PCDHA5: variants seen among roughly 807,000 people sequenced by gnomAD.
PCDHA5 encodes protocadherin alpha-5.
In PCDHA5, 43 loss-of-function variants were observed where a neutral mutation model predicts 61.6. The ratio of observed to expected loss-of-function variants is 0.70; its 90% CI spans 0.55 to 0.90. The LOEUF (loss-of-function observed/expected upper bound fraction) is 0.90, where lower values mean the gene tolerates loss of function less well. Among genes scored for constraint, PCDHA5 ranks in the 40% least tolerant of loss-of-function variants. The pLI is 0.00. For synonymous variants in PCDHA5, 627 were observed against 543.9 expected (o/e 1.15, Z -2.13); for missense variants, 1,298 against 1,222.7 (o/e 1.06, Z -0.92).
At chr5:140,945,178 C>T (rs2093753648) in intron 1 of PCDHA5, among the ~76,000 whole-genome samples, 2 of 151,902 alleles carry the variant, frequency 1.3e-5, no homozygotes, top group Admixed American at 1.3e-4. Flanking sequence ...AAAAATAAAT[C>T]AAGAAAACCA....
rs781928314 is a variant in PCDHA5 at position 140,876,618 on chromosome 5, T to A, written c.2352+52491T>A. On this transcript the variant is annotated intron_variant, in intron 1 of 3. Coordinates refer to ENST00000529859, the MANE Select transcript of PCDHA5 (RefSeq NM_018908.3). ...TGTCGGATCGTGACTCTGGAGCCAA[T>A]GGACAGGTCATCTGCTCACTGACAC... is the stretch of plus-strand genomic sequence containing the variant. 3.7e-6 allele frequency: 6 copies of A among 1,614,074 alleles called. No homozygotes were observed. The South Asian group carries it at 4.4e-5, about 12-fold the overall frequency.
chr5:140,851,463 G>C (rs1194351869), intron 1 of PCDHA5: 1 of 894,166 alleles, frequency 1.1e-6, no homozygotes, highest in Non-Finnish European at 1.4e-6. Flanking sequence ...ATCAAATTAT[G>C]TCAATAAATG....
chr5:140,928,106 G>A, intron 1 of PCDHA5: 4 of 1,614,150 alleles, frequency 2.5e-6, no homozygotes, highest in Non-Finnish European at 3.4e-6. Context: ...CCCCTGGACC[G>A]GGAGCAGATC....
chr5:140,955,922 GTTCA>G (rs1413540621), intron 1 of PCDHA5, among the ~76,000 whole-genome samples: 2 of 152,138 alleles, frequency 1.3e-5, no homozygotes, highest in African/African-American at 4.8e-5. Flanking sequence ...GTGAATGGGA[GTTCA>G]TTCATAATAT....
In PCDHA5 at chr5:141,010,350, G is replaced by A; in HGVS notation, c.*413G>A. The A allele has an allele frequency of 6.6e-7, 1 of 1,515,722 alleles. No individual in the cohort carries two copies. Among genetic ancestry groups the A allele is most frequent in the Non-Finnish European group, 8.8e-7 (1 of 1,132,152 alleles). The allele number at this position is 1,515,722 out of a possible 1,614,324, so 93.9% of individuals were successfully genotyped here. A position where few individuals can be genotyped will look rare whatever the true frequency, so the allele number is the denominator to read the frequency against. ...GGGAGTTTGTGGCCACTGGGTATGT[G>A]TGGCTACCGCGGGTATGCGAGTGCC... is the stretch of plus-strand genomic sequence containing the variant. On this transcript the variant is annotated 3_prime_UTR_variant, in exon 4 of 4. Transcript: ENST00000529859.
intron 1 of PCDHA5, among the ~76,000 whole-genome samples, chr5:140,932,231 A>G (rs2088135026): frequency 6.6e-6 from 1 of 151,848 alleles, no homozygotes; most frequent in African/African-American, 2.4e-5. Context: ...AATTTTTTAG[A>G]ATGGTATCTA....
Position 140,847,724 on chromosome 5 carries a change from A to G in PCDHA5, c.2352+23597A>G, listed in dbSNP as rs2150403013. 2.0e-5 allele frequency: 3 copies of G among 150,110 alleles called. No individual in the cohort carries two copies. The South Asian group carries it at 6.3e-4, about 32-fold the overall frequency. 9.3% of individuals were successfully genotyped at this position (150,110 alleles called of 1,614,324 possible). ...ACAGATTGTATAAATGCTACAAAAGAGAAAAATATATTTTCTCCCCACGCA... is the reference window on the plus strand; with the variant it reads ...ACAGATTGTATAAATGCTACAAAAGGGAAAAATATATTTTCTCCCCACGCA... On this transcript the variant is annotated intron_variant, in intron 1 of 3. Transcript: ENST00000529859.
At chr5:140,859,607 C>G (rs1218189350) in intron 1 of PCDHA5, 2 of 161,864 alleles carry the variant, frequency 1.2e-5, no homozygotes, top group Non-Finnish European at 2.7e-5. Flanking sequence ...TTACTTTTTT[C>G]TTTCCTTTCT....
At chr5:140,824,171 C>G in intron 1 of PCDHA5, 44 bp downstream of exon 1, 1 of 1,610,416 alleles carries the variant, frequency 6.2e-7, no homozygotes, top group Non-Finnish European at 8.5e-7. Context: ...TCCCAATTTT[C>G]AAATATTAAA....
At chr5:140,884,493 C>G (rs782633321) in intron 1 of PCDHA5, 4 of 1,613,920 alleles carry the variant, frequency 2.5e-6, no homozygotes, top group South Asian at 1.1e-5. Context: ...CTAGTGTGCT[C>G]CAGCGCGGCA....
At chr5:140,827,106 T>C (rs1180227129) in intron 1 of PCDHA5, among the ~76,000 whole-genome samples, 1 of 152,176 alleles carries the variant, frequency 6.6e-6, no homozygotes, top group Non-Finnish European at 1.5e-5. Flanking sequence ...TCAGCATGTA[T>C]AGGTGAAAGT....
intron 1 of PCDHA5, among the ~76,000 whole-genome samples, chr5:140,907,411 G>A (rs1053744231): frequency 8.5e-5 from 13 of 152,192 alleles, no homozygotes; most frequent in Admixed American, 2.6e-4. Flanking sequence ...GGAATACCAC[G>A]ATGGTGGATA....
intron 1 of PCDHA5, chr5:140,828,427 G>A: frequency 6.2e-7 from 1 of 1,614,282 alleles, no homozygotes; most frequent in Non-Finnish European, 8.5e-7. Context: ...TCGTGGACAG[G>A]CCGCTGCAGG....
chr5:140,882,143 C>A, intron 1 of PCDHA5: 2 of 1,494,048 alleles, frequency 1.3e-6, no homozygotes, highest in Admixed American at 2.3e-5. Context: ...GAAAATATAG[C>A]AGAAAGCGGA....
chr5:140,966,515 G>A, intron 1 of PCDHA5: 1 of 436,996 alleles, frequency 2.3e-6, no homozygotes, highest in East Asian at 3.5e-5. Context: ...AGCAGCAGCA[G>A]GAAGCCGAGC....
At chr5:140,945,790 T>C (rs1340396620) in intron 1 of PCDHA5, among the ~76,000 whole-genome samples, 2 of 152,010 alleles carry the variant, frequency 1.3e-5, no homozygotes, top group South Asian at 2.1e-4. Context: ...TGCAGAAAAA[T>C]GAAACTAGAC....
At chr5:140,877,729 C>G (rs1554170045) in intron 1 of PCDHA5, 2 of 1,614,168 alleles carry the variant, frequency 1.2e-6, no homozygotes, top group South Asian at 2.2e-5. Context: ...TTACTCGCAG[C>G]AGAGGAGGCA....
intron 1 of PCDHA5, chr5:140,857,587 C>T: frequency 1.3e-6 from 2 of 1,596,526 alleles, no homozygotes; most frequent in South Asian, 2.2e-5. Context: ...ACGCGGAGAG[C>T]GGCAAGGTGT....
At chr5:140,824,418 A>T in intron 1 of PCDHA5, 1 of 513,258 alleles carries the variant, frequency 1.9e-6, no homozygotes, top group Middle Eastern at 5.0e-4. Context: ...CATAGTTTGG[A>T]GTCATTCTCA....
Sources: allele counts gnomAD v4.1 joint callset (sites outside exome capture counted in the v4.1 genomes callset), GRCh38; gene constraint gnomAD v4.1.1; transcripts MANE v1.5; gene names NCBI Gene and HGNC (gene_info 2026-07-23, HGNC 2026-07-21).